Variants in ZFHX3 observed in about 807,000 individuals in gnomAD.
The protein encoded by ZFHX3 is zinc finger homeobox protein 3.
A neutral mutation model predicts 279.1 loss-of-function variants in ZFHX3; 42 were observed. That is an observed-to-expected ratio of 0.15 (90% CI 0.12 to 0.19). The LOEUF (loss-of-function observed/expected upper bound fraction) is 0.19, where lower values mean the gene tolerates loss of function less well. ZFHX3 is among the 10% of genes least tolerant of loss of function. The probability of loss-of-function intolerance (pLI) is 1.00; values close to 1 mark genes in which losing one functional copy is unlikely to be tolerated. For missense variants in ZFHX3, 4,981 were observed against 4,754.0 expected, an observed-to-expected ratio of 1.05 and a Z score of -1.40; for synonymous variants, 2,293 against 1,957.8, an observed-to-expected ratio of 1.17 and a Z score of -4.52.
At chr16:73,403,115 G>T (rs1008498637) in intron 3 of ZFHX3, among the ~76,000 whole-genome samples, 2 of 152,164 alleles carry the variant, frequency 1.3e-5, no homozygotes, top group African/African-American at 4.8e-5. Context: ...CCACCTGGTG[G>T]GCTGGCTGAT....
chr16:73,764,467 A>G (rs907533507), intron 1 of ZFHX3, among the ~76,000 whole-genome samples: 1 of 152,178 alleles, frequency 6.6e-6, no homozygotes, highest in Non-Finnish European at 1.5e-5. Context: ...GCAGAGCTTT[A>G]TCCTCCATAG....
intron 2 of ZFHX3, among the ~76,000 whole-genome samples, chr16:73,675,626 A>T (rs1467481566): frequency 3.3e-5 from 5 of 152,080 alleles, no homozygotes; most frequent in Admixed American, 3.3e-4. Flanking sequence ...GAATAGGATA[A>T]ATGGAACCAA....
chr16:73,098,078 T>TA (rs1966187791), intron 7 of ZFHX3, among the ~76,000 whole-genome samples: 1 of 151,444 alleles, frequency 6.6e-6, no homozygotes, highest in Non-Finnish European at 1.5e-5. Flanking sequence ...TCTATTTTTT[T>TA]TTTTTTTGAG....
At chr16:72,811,832 A>G (rs1340490908) in intron 6 of ZFHX3, 55 bp from the exon 7 acceptor site, 1 of 796,628 alleles carries the variant, frequency 1.3e-6, no homozygotes. Context: ...AAGCCCGCCC[A>G]CCCAAAAGTT....
At chr16:73,436,535 A>T (rs537644755) in intron 3 of ZFHX3, among the ~76,000 whole-genome samples, 1 of 152,308 alleles carries the variant, frequency 6.6e-6, no homozygotes, top group Non-Finnish European at 1.5e-5. Context: ...CGATTCAGTT[A>T]TCTCCCACCA....
chr16:72,880,564 T>C (rs2038437880), intron 4 of ZFHX3, among the ~76,000 whole-genome samples: 1 of 152,190 alleles, frequency 6.6e-6, no homozygotes, highest in Non-Finnish European at 1.5e-5. Flanking sequence ...AATACACTTC[T>C]TTTGTTTCAG....
intron 7 of ZFHX3, among the ~76,000 whole-genome samples, chr16:72,808,894 T>G (rs1330077250): frequency 1.3e-5 from 2 of 152,226 alleles, no homozygotes; most frequent in Non-Finnish European, 2.9e-5. Flanking sequence ...ATGCAAAGAA[T>G]AATACAGTAT....
intron 3 of ZFHX3, among the ~76,000 whole-genome samples, chr16:73,431,311 G>A (rs557177444): frequency 6.6e-4 from 101 of 152,150 alleles, no homozygotes; most frequent in Non-Finnish European, 1.0e-3. Flanking sequence ...AGGCTGAGGC[G>A]GGCGGATCAC....
intron 1 of ZFHX3, among the ~76,000 whole-genome samples, chr16:73,040,614 C>T (rs931618350): frequency 1.3e-5 from 2 of 152,116 alleles, no homozygotes; most frequent in African/African-American, 2.4e-5. Flanking sequence ...CTTCTGAACA[C>T]GGTTGCAAAG....
intron 2 of ZFHX3, among the ~76,000 whole-genome samples, chr16:73,580,668 G>C (rs184886129): frequency 1.3e-4 from 20 of 151,752 alleles, no homozygotes; most frequent in Non-Finnish European, 2.5e-4. Context: ...TATTCAATTA[G>C]TGATGCATTG....
chr16:73,525,530 C>T (rs985801760), intron 2 of ZFHX3, among the ~76,000 whole-genome samples: 14 of 152,234 alleles, frequency 9.2e-5, no homozygotes, highest in Admixed American at 7.8e-4. Flanking sequence ...GCACAAACTC[C>T]GCGTGGACAT....
chr16:73,240,937 T>G (rs1017359878), intron 5 of ZFHX3, among the ~76,000 whole-genome samples: 1 of 152,262 alleles, frequency 6.6e-6, no homozygotes, highest in African/African-American at 2.4e-5. Flanking sequence ...ATCTACTTTC[T>G]GGCAAAGTTC....
At chr16:73,727,038 C>T (rs1396555646) in intron 1 of ZFHX3, among the ~76,000 whole-genome samples, 1 of 152,152 alleles carries the variant, frequency 6.6e-6, no homozygotes, top group African/African-American at 2.4e-5. Flanking sequence ...TCCTAGTTCT[C>T]ACAGGCTGTG....
At chr16:73,513,567 C>T (rs1376440111) in intron 2 of ZFHX3, among the ~76,000 whole-genome samples, 3 of 152,060 alleles carry the variant, frequency 2.0e-5, no homozygotes, top group African/African-American at 7.2e-5. Context: ...AAGGGCAGCC[C>T]ACAAGATAAT....
intron 3 of ZFHX3, among the ~76,000 whole-genome samples, chr16:73,348,020 A>G (rs1397115819): frequency 6.6e-6 from 1 of 152,210 alleles, no homozygotes; most frequent in Non-Finnish European, 1.5e-5. Flanking sequence ...GTTAAAGGGG[A>G]AAAAAGCAGC....
chr16:73,339,084 T>C (rs1455351370), intron 3 of ZFHX3, among the ~76,000 whole-genome samples: 1 of 152,178 alleles, frequency 6.6e-6, no homozygotes, highest in Non-Finnish European at 1.5e-5. Context: ...AAACTTCTTT[T>C]CTTTTAAACT....
At chr16:73,623,582 C>A (rs967740559) in intron 2 of ZFHX3, among the ~76,000 whole-genome samples, 6 of 152,130 alleles carry the variant, frequency 3.9e-5, no homozygotes, top group African/African-American at 1.4e-4. Flanking sequence ...AATGTAATTT[C>A]CCTAAAATGG....
intron 4 of ZFHX3, among the ~76,000 whole-genome samples, chr16:72,830,285 G>T (rs899231902): frequency 2.0e-5 from 3 of 152,200 alleles, no homozygotes; most frequent in Non-Finnish European, 4.4e-5. Context: ...AAGCCTCCTG[G>T]TACTGGCCTA....
chr16:72,794,611 T>C lies in ZFHX3; in HGVS notation c.8071A>G (p.Asn2691Asp). Residue 2691 changes from asparagine (N) to aspartate (D), a missense_variant, in exon 9 of 10, where the codon AAC becomes GAC. Asn to Asp is a conservative substitution (Grantham distance 23). Around this residue, in one of 7 missense-constraint regions of ZFHX3, gnomAD observed 744 missense variants for 701.3 expected, o/e 1.06. Transcript: ENST00000268489. The surrounding 1 kb of genome is among the most constrained non-coding windows in gnomAD (Gnocchi z 4.2). ...CCTTTCCTTTCCCGAGCTCGGGTGT[T>C]CTGAAACCAGACTTGTACCACACGT... ...KKRVVQVWFQ[N>D]TRARERKGQF... 1 of 1,614,224 alleles carries C rather than the reference T, an allele frequency of 6.2e-7. No homozygotes were observed. The highest frequency in any genetic ancestry group is 8.5e-7 in the Non-Finnish European group (1 of 1,180,038).
Sources: gnomAD v4.1 joint callset for allele counts (sites outside exome capture counted in the v4.1 genomes callset) on GRCh38, gnomAD v4.1.1 for gene constraint, gnomAD v4.1.1 regional missense constraint, Gnocchi (gnomAD v3.1) non-coding constraint, MANE v1.5 for transcripts, NCBI Gene and HGNC (gene_info 2026-07-23, HGNC 2026-07-21) for gene names.